LMAN2L: variants seen among roughly 807,000 people sequenced by gnomAD.
The protein encoded by LMAN2L is VIP36-like protein.
A neutral mutation model predicts 44.3 loss-of-function variants in LMAN2L; 30 were observed. That is an observed-to-expected ratio of 0.68 (90% CI 0.51 to 0.92). The LOEUF is 0.92. Ranked by LOEUF, LMAN2L falls within the 40% of genes least tolerant of loss-of-function variation. The pLI is 0.00. For missense variants in LMAN2L, 429 were observed against 446.1 expected (o/e 0.96, Z 0.35); for synonymous variants, 183 against 171.1 (o/e 1.07, Z -0.54).
intron 2 of LMAN2L, among the ~76,000 whole-genome samples, chr2:96,737,585 T>G (rs573277389): frequency 2.6e-5 from 4 of 152,226 alleles, no homozygotes; most frequent in Non-Finnish European, 5.9e-5. Flanking sequence ...CCCAGGAGTT[T>G]GAGGCTGCAG....
At position 96,723,019 on chromosome 2, in the gene LMAN2L, C is replaced by CA. The variant is rs879363827; in HGVS notation, c.507+10499dup. 8.3e-4 allele frequency among the ~76,000 whole-genome samples: 118 copies of CA among 141,560 alleles called. 1 individual carries two copies. In the South Asian group the frequency reaches 0.014, roughly 16 times the overall value. 92.9% of individuals were successfully genotyped at this position (141,560 alleles called of 152,430 possible). A position where few individuals can be genotyped will look rare whatever the true frequency, so the allele number is the denominator to read the frequency against. ...TGGGCAACAGAGCAAGACTCCATCT[C>CA]AAAAAAAAAAAAGTTTTGTGTAGAT... On this transcript the variant is annotated intron_variant, in intron 4 of 7. Transcript: ENST00000264963.
At chr2:96,728,213 C>T (rs575904134) in intron 4 of LMAN2L, among the ~76,000 whole-genome samples, 1 of 152,238 alleles carries the variant, frequency 6.6e-6, no homozygotes, top group East Asian at 1.9e-4. Flanking sequence ...ACTGGCCAGG[C>T]GCGGTGGCTC....
chr2:96,710,045 C>G (rs185112615), intron 6 of LMAN2L, among the ~76,000 whole-genome samples: 12 of 152,326 alleles, frequency 7.9e-5, no homozygotes, highest in African/African-American at 2.9e-4. Context: ...TCCTATCCCC[C>G]TGCCGAGACT....
At chr2:96,729,397 A>G (rs1160156759) in intron 4 of LMAN2L, among the ~76,000 whole-genome samples, 1 of 152,200 alleles carries the variant, frequency 6.6e-6, no homozygotes, top group Non-Finnish European at 1.5e-5. Context: ...TCACTGGTAA[A>G]ATGGGAAAAA....
intron 2 of LMAN2L, among the ~76,000 whole-genome samples, chr2:96,737,701 G>A (rs942585283): frequency 6.6e-6 from 1 of 152,062 alleles, no homozygotes; most frequent in Non-Finnish European, 1.5e-5. Context: ...GTACTATTGG[G>A]CCAATCAGGA....
intron 4 of LMAN2L, among the ~76,000 whole-genome samples, chr2:96,727,523 T>C (rs2153331044): frequency 1.3e-5 from 2 of 152,290 alleles, no homozygotes; most frequent in East Asian, 3.9e-4. Context: ...TCCCAGCTAC[T>C]GGGAAGGAGG....
intron 2 of LMAN2L, among the ~76,000 whole-genome samples, 190 bp downstream of exon 2, chr2:96,737,755 TTAAA>T (rs888195507): frequency 1.3e-5 from 2 of 152,200 alleles, no homozygotes; most frequent in East Asian, 1.9e-4. Flanking sequence ...TTTGCTATAA[TTAAA>T]TAGAGAGCAT....
At position 96,707,717 on chromosome 2, in the gene LMAN2L, C is replaced by A. The variant is rs2077815222; in HGVS notation, c.901G>T (p.Glu301Ter). 5 of 1,613,992 alleles carry A rather than the reference C, an allele frequency of 3.1e-6. No individual in the cohort carries two copies. Among genetic ancestry groups the A allele is most frequent in the Non-Finnish European group, 4.2e-6 (5 of 1,180,016 alleles). The change falls in exon 7 of 8, where the codon GAG becomes TAG. Residue 301 changes from glutamate to a stop codon, truncating the protein, a stop_gained. Transcript: ENST00000264963. LOFTEE classifies it high-confidence loss of function. The part of the protein sequence containing the change: ...LPSVDNMKLP[E>*]MTAPLPPLSG... ...TCCCGCGGGCCCCTGTGCTCACTCT[C>A]AGGCAGCTTCATATTGTCCACTGAG...
In LMAN2L at chr2:96,707,171, C is replaced by T. The variant is rs564668976; in HGVS notation, c.*85G>A. 3 of 1,333,002 alleles carry T rather than the reference C, an allele frequency of 2.3e-6. No individual in the cohort carries two copies. The East Asian group carries it at 7.0e-5, about 31-fold the overall frequency. The allele number at this position is 1,333,002 out of a possible 1,614,324, so 82.6% of individuals were successfully genotyped here. A position where few individuals can be genotyped will look rare whatever the true frequency, so the allele number is the denominator to read the frequency against. On this transcript the variant is annotated 3_prime_UTR_variant, in exon 8 of 8. Coordinates refer to ENST00000264963, the MANE Select transcript of LMAN2L (RefSeq NM_030805.4). ...CAACCAGCTGCTAGAGACAAGAACA[C>T]TCTCCAGGCTGCATGCTCAGGCCAG...
rs200131455 is a variant in LMAN2L, at chr2:96,711,820, G to A, written c.669+44C>T. 2.9e-5 allele frequency: 46 copies of A among 1,612,578 alleles called. No homozygotes were observed. In the East Asian group the frequency reaches 4.7e-4, roughly 16 times the overall value. ...AGGGTCAGGCCATGGGAGCAAGAGC[G>A]ACACAGCCCACACCACCATCTGGTC... On this transcript the variant is annotated intron_variant, in intron 5 of 7. Transcript: ENST00000264963.
chr2:96,714,364 C>T (rs2077990558), intron 4 of LMAN2L, among the ~76,000 whole-genome samples: 1 of 152,208 alleles, frequency 6.6e-6, no homozygotes, highest in Admixed American at 6.5e-5. Context: ...GCTCCATGGG[C>T]CACAGCCAGG....
At chr2:96,728,902 G>A (rs1011310333) in intron 4 of LMAN2L, among the ~76,000 whole-genome samples, 1 of 151,500 alleles carries the variant, frequency 6.6e-6, no homozygotes, top group African/African-American at 2.4e-5. Context: ...GCCAGGCGCA[G>A]TGGCTCACCC....
intron 4 of LMAN2L, among the ~76,000 whole-genome samples, chr2:96,729,545 G>C (rs2078348239): frequency 6.7e-6 from 1 of 148,354 alleles, no homozygotes; most frequent in African/African-American, 2.5e-5. Context: ...TCTTGCTCTT[G>C]TCGCCCAGGC....
At chr2:96,709,947 C>T (rs1221324712) in intron 6 of LMAN2L, among the ~76,000 whole-genome samples, 1 of 152,196 alleles carries the variant, frequency 6.6e-6, no homozygotes, top group Non-Finnish European at 1.5e-5. Context: ...AAAAGTACGT[C>T]AGGAGGTTAA....
At chr2:96,738,196 C>T (rs1574033894) in intron 1 of LMAN2L, 129 bp from the exon 2 acceptor site, 6 of 645,226 alleles carry the variant, frequency 9.3e-6, no homozygotes, top group Non-Finnish European at 1.6e-5. Context: ...CTCCTATCTT[C>T]TCTCAGTCAT....
rs1460410140 is a variant in LMAN2L at position 96,706,485 on chromosome 2, T to G, written c.*771A>C. 1 of 152,184 alleles carries G rather than the reference T, an allele frequency of 6.6e-6. No individual in the cohort carries two copies. Among genetic ancestry groups the G allele is most frequent in the Non-Finnish European group, 1.5e-5 (1 of 68,050 alleles). The allele number at this position is 152,184 out of a possible 1,614,324, so 9.4% of individuals were successfully genotyped here. ...ATGATGTCTTCCAGGCTTCTCTTGA[T>G]TTTTACACCAACCTTTAGCCAAACT... On this transcript the variant is annotated 3_prime_UTR_variant, in exon 8 of 8. Transcript: ENST00000264963.
chr2:96,713,651 G>A (rs1230144951), intron 4 of LMAN2L, among the ~76,000 whole-genome samples: 7 of 152,170 alleles, frequency 4.6e-5, no homozygotes, highest in Admixed American at 2.6e-4. Flanking sequence ...CTCCTGCCCA[G>A]AAGACCAAAA....
At chr2:96,719,178 G>A (rs1239040577) in intron 4 of LMAN2L, among the ~76,000 whole-genome samples, 1 of 152,058 alleles carries the variant, frequency 6.6e-6, no homozygotes, top group East Asian at 1.9e-4. Context: ...AATGAGAAGA[G>A]CCATCAATTC....
chr2:96,726,497 T>C (rs2078274522), intron 4 of LMAN2L, among the ~76,000 whole-genome samples: 1 of 151,920 alleles, frequency 6.6e-6, no homozygotes, highest in African/African-American at 2.4e-5. Context: ...CCGTGGGTTT[T>C]TCTAGCCAAG....
Sources: allele counts gnomAD v4.1 joint callset (sites outside exome capture counted in the v4.1 genomes callset), GRCh38; gene constraint gnomAD v4.1.1; transcripts MANE v1.5; gene names NCBI Gene and HGNC (gene_info 2026-07-23, HGNC 2026-07-21).